PLEKHG1: variants seen among roughly 807,000 people sequenced by gnomAD.
PLEKHG1 encodes the protein pleckstrin homology and RhoGEF domain containing G1.
A neutral mutation model predicts 100.8 loss-of-function variants in PLEKHG1; 44 were observed. The ratio of observed to expected loss-of-function variants is 0.44; its 90% CI spans 0.34 to 0.56. The LOEUF (loss-of-function observed/expected upper bound fraction) is 0.56. Among genes scored for constraint, PLEKHG1 ranks in the 20% least tolerant of loss-of-function variants. The probability of loss-of-function intolerance (pLI) is 0.01; values close to 1 mark genes in which losing one functional copy is unlikely to be tolerated. For missense variants in PLEKHG1, 1,545 were observed against 1,720.9 expected (o/e 0.90, Z 1.81); for synonymous variants, 640 against 662.5 (o/e 0.97, Z 0.52).
rs1562427910 is a variant in PLEKHG1, at chr6:150,674,684, C to CTCTCTCTCTCTCT, written c.-99+23898_-99+23899insTCTCTCTCTCTCT. On this transcript the variant is annotated intron_variant, in intron 3 of 3. Coordinates refer to the PLEKHG1 transcript ENST00000367326. ...CTCTCTCTCTCTCTCTCTCTCTCTC[C>CTCTCTCTCTCTCT]CCCCTCTTCTCTTCTTTCCATGGAG... Among the ~76,000 whole-genome samples the CTCTCTCTCTCTCT allele has an allele frequency of 3.5e-4, 26 of 73,388 alleles. 3 individuals carry two copies. Among genetic ancestry groups the CTCTCTCTCTCTCT allele is most frequent in the South Asian group, 1.5e-3 (3 of 2,050 alleles). The allele number at this position is 73,388 out of a possible 152,430, so 48.1% of individuals were successfully genotyped here. A position where few individuals can be genotyped will look rare whatever the true frequency, so the allele number is the denominator to read the frequency against.
At chr6:150,629,242 A>G (rs1422334182) in intron 1 of PLEKHG1, among the ~76,000 whole-genome samples, 1 of 152,072 alleles carries the variant, frequency 6.6e-6, no homozygotes, top group Non-Finnish European at 1.5e-5. Context: ...GGACTCTTTG[A>G]CTCATTTTTC....
chr6:150,675,200 A>G (rs994067084), intron 3 of PLEKHG1, among the ~76,000 whole-genome samples: 3 of 152,136 alleles, frequency 2.0e-5, no homozygotes, highest in African/African-American at 7.2e-5. Context: ...TATATCACCT[A>G]TAATCAGCTG....
At chr6:150,708,992 G>C (rs1173262659) in intron 3 of PLEKHG1, among the ~76,000 whole-genome samples, 2 of 152,196 alleles carry the variant, frequency 1.3e-5, no homozygotes, top group African/African-American at 2.4e-5. Flanking sequence ...TTTGCAGGGA[G>C]TTTTCTATTG....
At chr6:150,705,672 G>C (rs1277942972) in intron 3 of PLEKHG1, among the ~76,000 whole-genome samples, 1 of 152,208 alleles carries the variant, frequency 6.6e-6, no homozygotes, top group Non-Finnish European at 1.5e-5. Context: ...TCCTCATGAG[G>C]ATTAGGGGAA....
intron 1 of PLEKHG1, among the ~76,000 whole-genome samples, chr6:150,622,959 G>A (rs2128557950): frequency 6.6e-6 from 1 of 152,076 alleles, no homozygotes; most frequent in East Asian, 1.9e-4. Flanking sequence ...CAGTCTATTA[G>A]AGAAGAGGGG....
At chr6:150,808,188 T>C (rs564243280) in intron 7 of PLEKHG1, among the ~76,000 whole-genome samples, 1 of 152,252 alleles carries the variant, frequency 6.6e-6, no homozygotes, top group South Asian at 2.1e-4. Context: ...CATAAATATA[T>C]ACACCTACTG....
chr6:150,809,303 G>A lies in PLEKHG1; in HGVS notation c.1095+16G>A, dbSNP rs774785700. ...TCACATCCTGGTAGGTCTGCACGCT[G>A]GCCATGGGCAGGGACTCAGATCCCC... is the stretch of plus-strand genomic sequence containing the variant. On this transcript the variant is annotated intron_variant, in intron 8 of 15. Transcript: ENST00000358517. The A allele has an allele frequency of 4.3e-6, 7 of 1,612,202 alleles. No homozygotes were observed. In the East Asian group the frequency reaches 1.6e-4, roughly 36 times the overall value.
rs141726355 is a variant in PLEKHG1 at position 150,811,079 on chromosome 6, G to A, written c.1278+1345G>A. On this transcript the variant is annotated intron_variant, in intron 10 of 15. Coordinates refer to ENST00000358517, the Ensembl canonical transcript of PLEKHG1. ...TGTGCTGGGTCCCATGAGGGTGCTC[G>A]GGAGACAAGATACAGATTCGGCCAA... Among the ~76,000 whole-genome samples the A allele has an allele frequency of 5.9e-5, 9 of 152,234 alleles. No homozygotes were observed. The East Asian group carries it at 9.7e-4, about 16-fold the overall frequency.
chr6:150,804,533 T>C, intron 6 of PLEKHG1, 77 bp from the exon 8 acceptor site: 1 of 1,177,408 alleles, frequency 8.5e-7, no homozygotes. Context: ...GAACTAATCA[T>C]AGCGGTGCCA....
chr6:150,843,111 T>C (rs1001832630), exon 16 of PLEKHG1: 1 of 152,246 alleles, frequency 6.6e-6, no homozygotes, highest in African/African-American at 2.4e-5. Flanking sequence ...GCATTTTCGC[T>C]TTTTGATTGG....
At chr6:150,840,328 A>G (rs970385407) in exon 16 of PLEKHG1, 4 of 1,614,034 alleles carry the variant, frequency 2.5e-6, no homozygotes, top group African/African-American at 2.7e-5. Flanking sequence ...GATTCCATCA[A>G]CTACCCTAGT....
chr6:150,733,551 T>C, intron 1 of PLEKHG1, 33 bp from the exon 3 acceptor site: 1 of 1,541,724 alleles, frequency 6.5e-7, no homozygotes, highest in Non-Finnish European at 8.7e-7. Flanking sequence ...GAATTGCTTA[T>C]CTTGTCCTTT....
intron 1 of PLEKHG1, among the ~76,000 whole-genome samples, chr6:150,606,830 T>C (rs1477306301): frequency 6.6e-6 from 1 of 152,166 alleles, no homozygotes. Context: ...AGGGGCATGC[T>C]GGCTCACATG....
At chr6:150,670,766 CTG>C (rs1281724019) in intron 3 of PLEKHG1, among the ~76,000 whole-genome samples, 1 of 151,986 alleles carries the variant, frequency 6.6e-6, no homozygotes, top group East Asian at 1.9e-4. Context: ...GCTTCTTTTT[CTG>C]TGTTATTTTA....
intron 4 of PLEKHG1, among the ~76,000 whole-genome samples, chr6:150,794,970 A>C (rs1786229278): frequency 6.6e-6 from 1 of 152,184 alleles, no homozygotes; most frequent in South Asian, 2.1e-4. Flanking sequence ...TACCTGAAAA[A>C]TAGGCACTTA....
At chr6:150,813,077 G>A (rs1787628578) in intron 10 of PLEKHG1, among the ~76,000 whole-genome samples, 4 of 151,922 alleles carry the variant, frequency 2.6e-5, no homozygotes, top group African/African-American at 2.4e-5. Flanking sequence ...AGGCGGAGGC[G>A]GGCAGATCAC....
exon 16 of PLEKHG1, chr6:150,840,492 A>G (rs1353555188): frequency 1.2e-6 from 2 of 1,614,234 alleles, no homozygotes; most frequent in Non-Finnish European, 8.5e-7. Context: ...TGTGGTGGTC[A>G]ATAGAAATTT....
intron 1 of PLEKHG1, among the ~76,000 whole-genome samples, chr6:150,618,407 A>G (rs1360242435): frequency 1.3e-5 from 2 of 152,192 alleles, no homozygotes; most frequent in Non-Finnish European, 2.9e-5. Flanking sequence ...TATTATTAAC[A>G]TGTTCTCCAG....
intron 3 of PLEKHG1, among the ~76,000 whole-genome samples, chr6:150,687,352 C>T (rs1032401137): frequency 5.9e-5 from 9 of 152,082 alleles, no homozygotes; most frequent in African/African-American, 2.2e-4. Flanking sequence ...TAAATTGCAT[C>T]ACTTTATTAT....
Sources: allele counts gnomAD v4.1 joint callset (sites outside exome capture counted in the v4.1 genomes callset), GRCh38; gene constraint gnomAD v4.1.1; transcripts MANE v1.5; gene names NCBI Gene and HGNC (gene_info 2026-07-23, HGNC 2026-07-21).